DAB1: variants seen among roughly 807,000 people sequenced by gnomAD.
The protein encoded by DAB1 is DAB adaptor protein 1.
In DAB1, 15 loss-of-function variants were observed where a neutral mutation model predicts 64.6. The ratio of observed to expected loss-of-function variants is 0.23; its 90% CI spans 0.16 to 0.36. The LOEUF (loss-of-function observed/expected upper bound fraction) is 0.36, where lower values mean the gene tolerates loss of function less well. DAB1 is among the 10% of genes least tolerant of loss of function. The pLI, the probability that DAB1 is intolerant of heterozygous loss-of-function variation, is 1.00. For synonymous variants in DAB1, 235 were observed against 251.9 expected, an observed-to-expected ratio of 0.93 and a Z score of 0.64; for missense variants, 596 against 706.7, an observed-to-expected ratio of 0.84 and a Z score of 1.78.
chr1:58,518,911 T>A (rs1646215929), intron 2 of DAB1, among the ~76,000 whole-genome samples: 1 of 152,150 alleles, frequency 6.6e-6, no homozygotes, highest in Non-Finnish European at 1.5e-5. Flanking sequence ...ATCCTACAGA[T>A]GAGAAAAGTT....
At chr1:57,073,481 A>T (rs1029336791) in intron 4 of DAB1, among the ~76,000 whole-genome samples, 1 of 152,160 alleles carries the variant, frequency 6.6e-6, no homozygotes, top group African/African-American at 2.4e-5. Context: ...CTTAACGGTT[A>T]TTTTCCTATA....
intron 5 of DAB1, among the ~76,000 whole-genome samples, chr1:58,122,766 T>C (rs1243338225): frequency 6.6e-6 from 1 of 152,188 alleles, no homozygotes; most frequent in African/African-American, 2.4e-5. Flanking sequence ...TTGACAGGGC[T>C]TTGGTGATTA....
intron 1 of DAB1, among the ~76,000 whole-genome samples, chr1:57,847,743 A>G (rs939026000): frequency 6.6e-6 from 1 of 152,188 alleles, no homozygotes; most frequent in African/African-American, 2.4e-5. Flanking sequence ...TTAGAAATGT[A>G]AAGAGATCAT....
intron 3 of DAB1, among the ~76,000 whole-genome samples, chr1:58,477,666 C>G (rs896324805): frequency 6.6e-6 from 1 of 152,000 alleles, no homozygotes; most frequent in Admixed American, 6.5e-5. Flanking sequence ...AGCATGCAAC[C>G]CTGGGAGCTA....
At chr1:58,123,704 C>A (rs1652884708) in intron 5 of DAB1, among the ~76,000 whole-genome samples, 1 of 152,162 alleles carries the variant, frequency 6.6e-6, no homozygotes, top group South Asian at 2.1e-4. Flanking sequence ...TATCTCTGAT[C>A]CCCAAATTTC....
At chr1:57,137,489 G>A (rs575653326) in intron 3 of DAB1, among the ~76,000 whole-genome samples, 4 of 152,238 alleles carry the variant, frequency 2.6e-5, no homozygotes, top group Non-Finnish European at 4.4e-5. Context: ...ACTTGCTTTC[G>A]AAATTAGATT....
intron 3 of DAB1, among the ~76,000 whole-genome samples, chr1:58,460,842 C>A (rs993053715): frequency 2.0e-5 from 3 of 152,148 alleles, no homozygotes; most frequent in Admixed American, 6.5e-5. Flanking sequence ...AAAATGAATG[C>A]TCAGTATTTG....
chr1:57,454,516 T>C (rs1686507223), intron 7 of DAB1, among the ~76,000 whole-genome samples: 1 of 151,126 alleles, frequency 6.6e-6, no homozygotes, highest in African/African-American at 2.4e-5. Context: ...GGATGGAGGG[T>C]GGGAGGAGGG....
chr1:58,126,612 C>A (rs1458867055), intron 5 of DAB1, among the ~76,000 whole-genome samples: 3 of 149,252 alleles, frequency 2.0e-5, no homozygotes, highest in African/African-American at 7.4e-5. Context: ...CCCCCCTACC[C>A]CCCACCCCAC....
At chr1:58,267,837 T>C (rs1661209515) in intron 4 of DAB1, among the ~76,000 whole-genome samples, 1 of 152,236 alleles carries the variant, frequency 6.6e-6, no homozygotes, top group South Asian at 2.1e-4. Context: ...TCATTGGACT[T>C]GGAATCTCAT....
In DAB1 at chr1:57,198,649, T is replaced by TCTCACACACA. The variant is rs1477522407; in HGVS notation, c.68-53221_68-53220insTGTGTGTGAG. ...CCTCCCTCCCTGCATCTTCTCTCTC[T>TCTCACACACA]CACACACACACACACACACACACAC... On this transcript the variant is annotated intron_variant, in intron 2 of 14. Transcript: ENST00000371236. Among the ~76,000 whole-genome samples, 72 of 128,332 alleles carry TCTCACACACA rather than the reference T, an allele frequency of 5.6e-4. 1 individual carries two copies. The highest frequency in any genetic ancestry group is 1.9e-3 in the African/African-American group (64 of 33,674). 84.2% of individuals were successfully genotyped at this position (128,332 alleles called of 152,430 possible).
intron 4 of DAB1, among the ~76,000 whole-genome samples, chr1:58,277,066 G>C (rs994192074): frequency 8.2e-6 from 1 of 122,180 alleles, no homozygotes; most frequent in African/African-American, 3.1e-5. Context: ...TTGAGACAGA[G>C]TCTCGCTCTG....
At chr1:57,636,733 C>T (rs1159299126) in intron 7 of DAB1, among the ~76,000 whole-genome samples, 1 of 152,088 alleles carries the variant, frequency 6.6e-6, no homozygotes, top group Non-Finnish European at 1.5e-5. Context: ...TTGCCATTCA[C>T]TAAGATGGAA....
At chr1:57,601,184 G>A (rs1396291660) in intron 7 of DAB1, among the ~76,000 whole-genome samples, 4 of 152,026 alleles carry the variant, frequency 2.6e-5, no homozygotes, top group Non-Finnish European at 4.4e-5. Flanking sequence ...TATACTTCCC[G>A]AGAGAGTCAA....
chr1:57,407,253 A>T (rs959214229), intron 1 of DAB1, among the ~76,000 whole-genome samples: 1 of 152,208 alleles, frequency 6.6e-6, no homozygotes, highest in African/African-American at 2.4e-5. Flanking sequence ...GACAATAGAG[A>T]CCACCAAGGT....
intron 6 of DAB1, 196 bp downstream of exon 6, chr1:57,071,326 C>A: frequency 1.4e-6 from 1 of 705,352 alleles, no homozygotes. Context: ...GATTTCACTT[C>A]ATCTAACATG....
intron 4 of DAB1, among the ~76,000 whole-genome samples, chr1:58,174,267 T>C (rs139977986): frequency 2.3e-3 from 349 of 152,334 alleles, no homozygotes; most frequent in African/African-American, 8.0e-3. Context: ...TTGGGCAACA[T>C]GGTTTCTCCC....
chr1:57,836,417 C>T lies in DAB1; in HGVS notation n.88-9962G>A, dbSNP rs571226720. ...ACTCGAGAATCCCTTGGGTAAGCCACTCGTCATCCTATCTCCTTCTCTCTG... is the reference window on the plus strand; with the variant it reads ...ACTCGAGAATCCCTTGGGTAAGCCATTCGTCATCCTATCTCCTTCTCTCTG... On this transcript the variant is annotated intron_variant and non_coding_transcript_variant, in intron 1 of 1. Coordinates refer to the DAB1 transcript ENST00000477280. Among the ~76,000 whole-genome samples, 5 of 152,306 alleles carry T rather than the reference C, an allele frequency of 3.3e-5. No individual in the cohort carries two copies. The South Asian group carries it at 6.2e-4, about 19-fold the overall frequency.
At chr1:57,967,236 C>A (rs552387782) in intron 5 of DAB1, among the ~76,000 whole-genome samples, 1 of 151,914 alleles carries the variant, frequency 6.6e-6, no homozygotes, top group African/African-American at 2.4e-5. Flanking sequence ...TTAGCACTGT[C>A]CCTAGGTGGA....
Sources: allele counts gnomAD v4.1 joint callset (sites outside exome capture counted in the v4.1 genomes callset), GRCh38; gene constraint gnomAD v4.1.1; transcripts MANE v1.5; gene names NCBI Gene and HGNC (gene_info 2026-07-23, HGNC 2026-07-21).